The following ELN variants were observed in gnomAD, a reference collection of about 807,000 sequenced individuals.
The protein encoded by ELN is tropoelastin.
In ELN, 65 loss-of-function variants were observed where a neutral mutation model predicts 105.8. The observed-to-expected ratio is 0.61, with a 90% confidence interval of 0.50 to 0.75. The LOEUF (loss-of-function observed/expected upper bound fraction) is 0.75, where lower values mean the gene tolerates loss of function less well. Ranked by LOEUF, ELN falls within the 30% of genes least tolerant of loss-of-function variation. ELN has a pLI of 0.00. For missense variants in ELN, 882 were observed against 969.4 expected (o/e 0.91, Z 1.20); for synonymous variants, 368 against 389.2 (o/e 0.95, Z 0.64).
chr7:74,058,995 G>A (rs550677461), intron 22 of ELN, among the ~76,000 whole-genome samples: 39 of 151,964 alleles, frequency 2.6e-4, no homozygotes, highest in African/African-American at 8.0e-4. Flanking sequence ...CCGTCAGCTC[G>A]CCGCAGGCCT....
At position 74,052,036 on chromosome 7, in the gene ELN, C is replaced by A. The variant is rs1389114387; in HGVS notation, c.949+53C>A. On this transcript the variant is annotated intron_variant, in intron 17 of 32. Transcript: ENST00000252034. ...ACGGCTCGGGCCCCTGCATAGACCT[C>A]GGAGACCCTAGCCGCAAAGCCAGAT... 3 of 1,604,590 alleles carry A rather than the reference C, an allele frequency of 1.9e-6. No homozygotes were observed. In the South Asian group the frequency reaches 3.3e-5, roughly 18 times the overall value.
At position 74,064,221 on chromosome 7, in the gene ELN, C is replaced by G. The variant is rs533473569; in HGVS notation, c.1993+526C>G. 1.4e-3 allele frequency among the ~76,000 whole-genome samples: 215 copies of G among 151,462 alleles called. 1 individual carries two copies. The highest frequency in any genetic ancestry group is 5.1e-3 in the African/African-American group (209 of 41,290). ...ATCACGAGGTCAGATCAAGACCATC[C>G]TGGCTAACACAGTGAAACCCCGTCT... On this transcript the variant is annotated intron_variant, in intron 29 of 32. Coordinates refer to ENST00000252034, the MANE Select transcript of ELN (RefSeq NM_000501.4).
chr7:74,060,059 G>A lies in ELN; in HGVS notation c.1576+12G>A, dbSNP rs1554683192. ...TGGTGGAGTTGCAGGTGAGTTTCAT[G>A]AGTCAATGAGCCTGAGGGGCCCCCG... is the stretch of plus-strand genomic sequence containing the variant. On this transcript the variant is annotated intron_variant, in intron 23 of 32. Transcript: ENST00000252034. 6.2e-7 allele frequency: 1 copy of A among 1,613,976 alleles called. No individual in the cohort carries two copies. Among genetic ancestry groups the A allele is most frequent in the African/African-American group, 1.3e-5 (1 of 74,888 alleles).
Position 74,042,697 on chromosome 7 carries a change from G to T in ELN, c.316G>T (p.Ala106Ser), listed in dbSNP as rs1554669342. 1.9e-6 allele frequency: 3 copies of T among 1,612,866 alleles called. No homozygotes were observed. In the African/African-American group the frequency reaches 4.0e-5, roughly 22 times the overall value. The part of the protein sequence containing the change: ...VADAAAAYKA[A>S]KAGAGLGGVP... ...TGACGCTGCTGCAGCCTATAAAGCT[G>T]CTAAGGCTGGTGAGTGGTGCTCTTT... is the stretch of plus-strand genomic sequence containing the variant. The change falls in exon 6 of 33, where the codon GCT (alanine) becomes TCT (serine). Residue 106 changes from alanine to serine, a missense_variant. Coordinates refer to ENST00000252034, the MANE Select transcript of ELN (RefSeq NM_000501.4).
Position 74,048,135 on chromosome 7 carries a change from T to C in ELN, c.686-7T>C, listed in dbSNP as rs782240339. Reference sequence around the variant, plus strand: ...ACAGATGACCATCAAGCCTCTCTGTTTTGCAGGCTATGGGCCCGGAGGAGT... The same window carrying C: ...ACAGATGACCATCAAGCCTCTCTGTCTTGCAGGCTATGGGCCCGGAGGAGT... On this transcript the variant is annotated splice_polypyrimidine_tract_variant and splice_region_variant and intron_variant, in intron 13 of 32. Transcript: ENST00000252034. 2 of 1,613,876 alleles carry C rather than the reference T, an allele frequency of 1.2e-6. No individual in the cohort carries two copies. The highest frequency in any genetic ancestry group is 1.7e-6 in the Non-Finnish European group (2 of 1,179,922).
chr7:74,061,019 G>C, intron 25 of ELN, 82 bp from the exon 26 acceptor site: 1 of 1,554,182 alleles, frequency 6.4e-7, no homozygotes, highest in Non-Finnish European at 8.9e-7. Flanking sequence ...GGAAGTCAGG[G>C]AGGGCTCTCT....
At chr7:74,044,212 G>A (rs1791929346) in intron 9 of ELN, among the ~76,000 whole-genome samples, 1 of 152,138 alleles carries the variant, frequency 6.6e-6, no homozygotes, top group Non-Finnish European at 1.5e-5. Context: ...CTGCACAGCA[G>A]CCTGGGTGAC....
rs1794555434 is a variant in ELN at position 74,053,415 on chromosome 7, T to C, written c.1096+106T>C. Reference sequence around the variant, plus strand: ...AATTTTTGCATTCTCCCTAACACCATAACCATCTGCCCATACCCTTGACCA... The same window carrying C: ...AATTTTTGCATTCTCCCTAACACCACAACCATCTGCCCATACCCTTGACCA... On this transcript the variant is annotated intron_variant, in intron 18 of 32. Transcript: ENST00000252034. 12 of 1,539,602 alleles carry C rather than the reference T, an allele frequency of 7.8e-6. No homozygotes were observed. The Admixed American group carries it at 1.6e-4, about 20-fold the overall frequency.
chr7:74,035,511 G>A (rs782526038), intron 2 of ELN, 97 bp downstream of exon 2: 7 of 1,438,946 alleles, frequency 4.9e-6, no homozygotes, highest in Non-Finnish European at 6.8e-6. Flanking sequence ...TAGGAACATT[G>A]ACACGCCTAC....
At chr7:74,061,215 C>T (rs1563860341) in intron 26 of ELN, 76 bp downstream of exon 26, 2 of 1,599,914 alleles carry the variant, frequency 1.3e-6, no homozygotes, top group South Asian at 2.2e-5. Flanking sequence ...GGGGTGGTCA[C>T]AATAGAAAAA....
In ELN at chr7:74,043,485, G is replaced by C. The variant is rs1381655047; in HGVS notation, c.427+317G>C. On this transcript the variant is annotated intron_variant, in intron 8 of 32. Coordinates refer to ENST00000252034, the MANE Select transcript of ELN (RefSeq NM_000501.4). Reference sequence around the variant, plus strand: ...GAAGGGCCTGCAGCGAGTCCCGGCAGAGCTGGGGGAGCCCCGTGTCCTCTG... The same window carrying C: ...GAAGGGCCTGCAGCGAGTCCCGGCACAGCTGGGGGAGCCCCGTGTCCTCTG... 5.8e-6 allele frequency: 4 copies of C among 686,860 alleles called. No homozygotes were observed. In the African/African-American group the frequency reaches 7.0e-5, roughly 12 times the overall value. 42.5% of individuals were successfully genotyped at this position (686,860 alleles called of 1,614,324 possible).
intron 1 of ELN, among the ~76,000 whole-genome samples, chr7:74,032,580 T>G (rs1217110421): frequency 1.3e-5 from 2 of 152,174 alleles, no homozygotes; most frequent in South Asian, 2.1e-4. Flanking sequence ...AAGTGGGGAT[T>G]AAAACCTCGG....
At chr7:74,051,903 C>T (rs187431078) in intron 16 of ELN, 21 bp from the exon 17 acceptor site, 2 of 1,614,128 alleles carry the variant, frequency 1.2e-6, no homozygotes, top group Admixed American at 3.3e-5. Context: ...AGGACCTCAC[C>T]CTCTGTGGCT....
chr7:74,069,009 C>T lies in ELN; in HGVS notation c.*309C>T. The stretch of plus-strand genomic sequence containing the variant: ...CTCCAGGGGAACTTGGTGCTACACG[C>T]TGGTGCTCTTATCTTCCTGGGGGGA... On this transcript the variant is annotated 3_prime_UTR_variant, in exon 33 of 33. Coordinates refer to ENST00000252034, the MANE Select transcript of ELN (RefSeq NM_000501.4). 2.1e-6 allele frequency: 1 copy of T among 477,554 alleles called. No homozygotes were observed. Among genetic ancestry groups the T allele is most frequent in the Non-Finnish European group, 3.9e-6 (1 of 259,178 alleles). 29.6% of individuals were successfully genotyped at this position (477,554 alleles called of 1,614,324 possible). A position where few individuals can be genotyped will look rare whatever the true frequency, so the allele number is the denominator to read the frequency against.
intron 4 of ELN, among the ~76,000 whole-genome samples, chr7:74,040,118 A>G (rs1790847926): frequency 6.6e-6 from 1 of 152,170 alleles, no homozygotes; most frequent in Non-Finnish European, 1.5e-5. Context: ...AAAAAGGAAG[A>G]TGGCCCCAGA....
Position 74,041,269 on chromosome 7 carries a change from A to G in ELN, c.232+18A>G, listed in dbSNP as rs782007433. On this transcript the variant is annotated intron_variant, in intron 5 of 32. Coordinates refer to ENST00000252034, the MANE Select transcript of ELN (RefSeq NM_000501.4). ...TGGGGCAGGTGAGTGCTGACACCCA[A>G]GAAAGATATCCCCTGTGGGGACCAG... 2.2e-5 allele frequency: 36 copies of G among 1,613,686 alleles called. No homozygotes were observed. In the South Asian group the frequency reaches 3.5e-4, roughly 16 times the overall value.
intron 3 of ELN, 55 bp from the exon 4 acceptor site, chr7:74,037,652 G>A (rs540977629): frequency 6.3e-7 from 1 of 1,594,636 alleles, no homozygotes; most frequent in Admixed American, 1.8e-5. Context: ...GGTTGGATAA[G>A]TAGTAGATGG....
chr7:74,043,324 G>A, intron 8 of ELN, 156 bp downstream of exon 8: 9 of 1,152,452 alleles, frequency 7.8e-6, no homozygotes, highest in Non-Finnish European at 1.1e-5. Context: ...GCCTGCGTCT[G>A]TGAAATGGGG....
chr7:74,060,720 G>A, intron 25 of ELN: 2 of 1,262,126 alleles, frequency 1.6e-6, no homozygotes, highest in Non-Finnish European at 2.2e-6. Flanking sequence ...TGCCTCCTCA[G>A]TAGAGGGGTG....
Sources: gnomAD v4.1 joint callset for allele counts (sites outside exome capture counted in the v4.1 genomes callset) on GRCh38, gnomAD v4.1.1 for gene constraint, MANE v1.5 for transcripts, NCBI Gene and HGNC (gene_info 2026-07-23, HGNC 2026-07-21) for gene names.